LRRTM3: variants seen among roughly 807,000 people sequenced by gnomAD.
LRRTM3 encodes leucine rich repeat transmembrane neuronal 3.
LRRTM3 carries 24 observed loss-of-function variants against 44.7 expected under a neutral mutation model. The ratio of observed to expected loss-of-function variants is 0.54; its 90% confidence interval spans 0.39 to 0.76. The LOEUF (loss-of-function observed/expected upper bound fraction) is 0.76. Ranked by LOEUF, LRRTM3 falls within the 30% of genes least tolerant of loss-of-function variation. LRRTM3 has a pLI of 0.00. For missense variants in LRRTM3, 587 were observed against 702.2 expected (o/e 0.84, Z 1.85); for synonymous variants, 277 against 278.7 (o/e 0.99, Z 0.06).
chr10:67,050,042 T>C (rs1854986630), intron 2 of LRRTM3, among the ~76,000 whole-genome samples: 1 of 152,230 alleles, frequency 6.6e-6, no homozygotes, highest in Admixed American at 6.5e-5. Context: ...ACCAATTCAT[T>C]GACTGTGGCT....
At chr10:67,087,679 GCCCTC>G (rs927912097) in intron 2 of LRRTM3, among the ~76,000 whole-genome samples, 28 of 152,004 alleles carry the variant, frequency 1.8e-4, no homozygotes, top group African/African-American at 6.7e-4. Context: ...ACTCATTTTA[GCCCTC>G]TACCTCTAAG....
intron 2 of LRRTM3, among the ~76,000 whole-genome samples, chr10:66,997,648 T>G (rs1023139372): frequency 6.6e-6 from 1 of 152,190 alleles, no homozygotes. Context: ...GGACACCATC[T>G]CTCTGTTCTA....
At chr10:67,068,118 CTATT>C (rs1450090796) in intron 2 of LRRTM3, among the ~76,000 whole-genome samples, 3 of 152,020 alleles carry the variant, frequency 2.0e-5, no homozygotes, top group South Asian at 2.1e-4. Context: ...TTTTTGGAAA[CTATT>C]TAGAGAAATA....
In LRRTM3 at chr10:66,978,960, C is replaced by G. The variant is rs57596372; in HGVS notation, c.1536+50508C>G. Among the ~76,000 whole-genome samples, 147 of 83,790 alleles carry G rather than the reference C, an allele frequency of 1.8e-3. 1 individual carries two copies. The highest frequency in any genetic ancestry group is 6.2e-3 in the African/African-American group (138 of 22,118). 55.0% of individuals were successfully genotyped at this position (83,790 alleles called of 152,430 possible). A position where few individuals can be genotyped will look rare whatever the true frequency, so the allele number is the denominator to read the frequency against. ...TAGCCACTCCTCACATACTTATTTC[C>G]TTTTTTTTTTTTTTTTTTTTTTTTG... On this transcript the variant is annotated intron_variant, in intron 2 of 2. Coordinates refer to ENST00000361320, the MANE Select transcript of LRRTM3 (RefSeq NM_178011.5).
In LRRTM3 at chr10:67,023,533, T is replaced by C. The variant is rs181916931; in HGVS notation, c.1537-74054T>C. Among the ~76,000 whole-genome samples the C allele has an allele frequency of 3.3e-5, 5 of 152,310 alleles. No homozygotes were observed. The East Asian group carries it at 9.7e-4, about 29-fold the overall frequency. On this transcript the variant is annotated intron_variant, in intron 2 of 2. Transcript: ENST00000361320. Reference sequence around the variant, plus strand: ...CTCTAACTTAAGGGATCTATGATAATACATGATTCTTCCACTTCTCATACC... The same window carrying C: ...CTCTAACTTAAGGGATCTATGATAACACATGATTCTTCCACTTCTCATACC...
At chr10:67,032,154 G>A (rs1853767491) in intron 2 of LRRTM3, among the ~76,000 whole-genome samples, 1 of 152,056 alleles carries the variant, frequency 6.6e-6, no homozygotes, top group Non-Finnish European at 1.5e-5. Context: ...CTGAGGCCTA[G>A]AAAAAATATA....
chr10:66,997,324 T>C (rs556010986), intron 2 of LRRTM3, among the ~76,000 whole-genome samples: 1 of 152,336 alleles, frequency 6.6e-6, no homozygotes, highest in African/African-American at 2.4e-5. Flanking sequence ...GAGCAGGAAA[T>C]ACTTATTACC....
chr10:67,019,037 A>G (rs1852828673), intron 2 of LRRTM3, among the ~76,000 whole-genome samples: 1 of 152,194 alleles, frequency 6.6e-6, no homozygotes, highest in South Asian at 2.1e-4. Flanking sequence ...TCCATTCACT[A>G]TTACATATCT....
chr10:66,937,825 T>C (rs535136410), intron 2 of LRRTM3, among the ~76,000 whole-genome samples: 10 of 152,264 alleles, frequency 6.6e-5, no homozygotes, highest in South Asian at 4.2e-4. Flanking sequence ...TTCTGAGCTT[T>C]TCCAGAATAG....
rs569153081 is a variant in LRRTM3 at position 66,954,990 on chromosome 10, G to A, written c.1536+26538G>A. 4.6e-4 allele frequency among the ~76,000 whole-genome samples: 70 copies of A among 152,260 alleles called. 1 individual carries two copies. The highest frequency in any genetic ancestry group is 1.5e-3 in the African/African-American group (61 of 41,550). ...TAGGAAAAGTACCAAGATACTAGAC[G>A]TAAACATGCTTTGGAAAACATTGGA... On this transcript the variant is annotated intron_variant, in intron 2 of 2. Transcript: ENST00000361320.
intron 2 of LRRTM3, among the ~76,000 whole-genome samples, chr10:66,938,450 A>G (rs1262214423): frequency 2.6e-5 from 4 of 152,192 alleles, no homozygotes; most frequent in Non-Finnish European, 4.4e-5. Flanking sequence ...AAATGAAAAT[A>G]TTATTAAGAA....
Position 66,926,328 on chromosome 10 carries a change from T to G in LRRTM3, c.-256T>G. ...TAAAGATGCAAAAACGTAATATCCA[T>G]GAAGATCCTATTACCTAGGAAGATT... On this transcript the variant is annotated 5_prime_UTR_variant, in exon 1 of 3. It removes an upstream start codon present in the reference 5' UTR. Coordinates refer to ENST00000361320, the MANE Select transcript of LRRTM3 (RefSeq NM_178011.5). The G allele has an allele frequency of 8.2e-6, 4 of 490,092 alleles. No individual in the cohort carries two copies. The highest frequency in any genetic ancestry group is 4.0e-5 in the East Asian group (1 of 25,096). 30.4% of individuals were successfully genotyped at this position (490,092 alleles called of 1,614,324 possible). A position where few individuals can be genotyped will look rare whatever the true frequency, so the allele number is the denominator to read the frequency against.
At chr10:67,093,536 G>A (rs536828175) in intron 2 of LRRTM3, among the ~76,000 whole-genome samples, 207 of 151,996 alleles carry the variant, frequency 1.4e-3, no homozygotes, top group African/African-American at 4.7e-3. Flanking sequence ...TTGTGAGTTG[G>A]TGACAGGAAG....
chr10:67,015,125 G>A (rs1227903815), intron 2 of LRRTM3: 4 of 152,044 alleles, frequency 2.6e-5, no homozygotes, highest in Non-Finnish European at 5.9e-5. Context: ...TTAACCCCAT[G>A]CTATGTAGTT....
chr10:66,972,868 G>A (rs1007306756), intron 2 of LRRTM3, among the ~76,000 whole-genome samples: 2 of 151,558 alleles, frequency 1.3e-5, no homozygotes, highest in Non-Finnish European at 2.9e-5. Flanking sequence ...CTGCCACCAC[G>A]CCTGGCTAAT....
chr10:67,011,981 G>A (rs1463638997), intron 2 of LRRTM3, among the ~76,000 whole-genome samples: 1 of 152,084 alleles, frequency 6.6e-6, no homozygotes, highest in East Asian at 1.9e-4. Context: ...TACCTCCTCT[G>A]TCATTTCAAG....
intron 2 of LRRTM3, among the ~76,000 whole-genome samples, chr10:66,981,967 C>T (rs1042329191): frequency 4.6e-5 from 7 of 152,114 alleles, no homozygotes; most frequent in Non-Finnish European, 8.8e-5. Context: ...AGCTGTCTGT[C>T]GATTTTTCTA....
chr10:66,965,490 G>A (rs1304121418), intron 2 of LRRTM3, among the ~76,000 whole-genome samples: 3 of 148,908 alleles, frequency 2.0e-5, no homozygotes, highest in African/African-American at 5.0e-5. Context: ...AGCCGAGATC[G>A]CACCACTGCA....
At chr10:66,964,400 C>T (rs977301212) in intron 2 of LRRTM3, among the ~76,000 whole-genome samples, 3 of 151,584 alleles carry the variant, frequency 2.0e-5, no homozygotes, top group Admixed American at 6.6e-5. Context: ...AAATTACATA[C>T]ATTTTTAAAC....
Sources: gnomAD v4.1 joint callset for allele counts (sites outside exome capture counted in the v4.1 genomes callset) on GRCh38, gnomAD v4.1.1 for gene constraint, MANE v1.5 for transcripts, NCBI Gene and HGNC (gene_info 2026-07-23, HGNC 2026-07-21) for gene names.